PIK3C2G: variants seen among roughly 807,000 people sequenced by gnomAD.
PIK3C2G encodes the protein phosphatidylinositol 3-kinase C2 domain-containing subunit gamma.
A neutral mutation model predicts 181.1 loss-of-function variants in PIK3C2G; 168 were observed. That is an observed-to-expected ratio of 0.93 (90% CI 0.82 to 1.05). The LOEUF is 1.05. PIK3C2G is among the 50% of genes least tolerant of loss of function. The probability of loss-of-function intolerance (pLI) is 0.00; values close to 1 mark genes in which losing one functional copy is unlikely to be tolerated. For missense variants in PIK3C2G, 1,869 were observed against 1,732.8 expected (o/e 1.08, Z -1.40); for synonymous variants, 573 against 592.2 (o/e 0.97, Z 0.47).
chr12:18,298,676 T>C (rs1950050825), intron 5 of PIK3C2G, among the ~76,000 whole-genome samples: 1 of 151,814 alleles, frequency 6.6e-6, no homozygotes. Context: ...TTCTATAATT[T>C]CCGGATTTAG....
At chr12:18,544,975 C>A (rs1370625735) in intron 25 of PIK3C2G, among the ~76,000 whole-genome samples, 1 of 151,794 alleles carries the variant, frequency 6.6e-6, no homozygotes, top group Non-Finnish European at 1.5e-5. Flanking sequence ...TCTAAACGGG[C>A]CTCATTTTAG....
rs1434743041 is a variant in PIK3C2G at position 18,336,830 on chromosome 12, G to GT, written c.1273-1591dup. On this transcript the variant is annotated intron_variant, in intron 8 of 32. Coordinates refer to ENST00000538779, the MANE Select transcript of PIK3C2G (RefSeq NM_001288772.2). ...ATAGTATTAATTAGTTATTCTTCAGGTTTTTGTCATTGGTTTCGGATTTGT... is the reference window on the plus strand; with the variant it reads ...ATAGTATTAATTAGTTATTCTTCAGGTTTTTTGTCATTGGTTTCGGATTTGT... 2.0e-5 allele frequency among the ~76,000 whole-genome samples: 3 copies of GT among 151,928 alleles called. No individual in the cohort carries two copies. The East Asian group carries it at 5.8e-4, about 29-fold the overall frequency.
chr12:18,537,580 C>CATTTCA (rs1227145155), intron 24 of PIK3C2G, among the ~76,000 whole-genome samples: 8 of 152,018 alleles, frequency 5.3e-5, no homozygotes. Context: ...ATGATATGGT[C>CATTTCA]TACTCATATC....
chr12:18,702,689 A>G, the PIK3C2G span, among the ~76,000 whole-genome samples: 2 of 152,146 alleles, frequency 1.3e-5, no homozygotes, highest in Non-Finnish European at 2.9e-5. Context: ...GAAAGGGACA[A>G]ATTCCTAGGA....
At chr12:18,671,433 G>A in the PIK3C2G span, among the ~76,000 whole-genome samples, 4 of 152,110 alleles carry the variant, frequency 2.6e-5, no homozygotes, top group Non-Finnish European at 4.4e-5. Flanking sequence ...GGGACTGTGT[G>A]TGACTGCGTC....
intron 9 of PIK3C2G, among the ~76,000 whole-genome samples, chr12:18,340,652 G>C (rs1027977961): frequency 6.6e-6 from 1 of 152,102 alleles, no homozygotes; most frequent in African/African-American, 2.4e-5. Context: ...CAGATACTAA[G>C]ATCTACCAGT....
intron 11 of PIK3C2G, among the ~76,000 whole-genome samples, chr12:18,362,518 T>G (rs1192587570): frequency 6.6e-6 from 1 of 152,216 alleles, no homozygotes; most frequent in African/African-American, 2.4e-5. Context: ...GGTTTCTGGT[T>G]TTCTTTCAAA....
intron 13 of PIK3C2G, among the ~76,000 whole-genome samples, chr12:18,378,322 C>A (rs949422572): frequency 3.9e-5 from 6 of 152,102 alleles, no homozygotes; most frequent in Non-Finnish European, 8.8e-5. Flanking sequence ...GTTCCCCCCC[C>A]CGTAACTAAT....
In PIK3C2G at chr12:18,462,370, A is replaced by C. The variant is rs78482549; in HGVS notation, c.2505-26079A>C. ...AACCCTTTTATAAAAGATATAGCTA[A>C]TGCACTTCAGAGCACCATACAAAAA... On this transcript the variant is annotated intron_variant, in intron 18 of 32. Transcript: ENST00000538779. 5.1e-4 allele frequency among the ~76,000 whole-genome samples: 77 copies of C among 152,294 alleles called. No homozygotes were observed. In the East Asian group the frequency reaches 0.013, roughly 26 times the overall value.
chr12:18,391,900 A>G (rs752441322), intron 15 of PIK3C2G, among the ~76,000 whole-genome samples: 15 of 151,882 alleles, frequency 9.9e-5, no homozygotes, highest in Non-Finnish European at 2.1e-4. Flanking sequence ...AGAGAGAGAG[A>G]GAGAGATTAA....
chr12:18,528,502 A>G (rs1004639486), intron 24 of PIK3C2G, among the ~76,000 whole-genome samples: 5 of 152,220 alleles, frequency 3.3e-5, no homozygotes, highest in South Asian at 2.1e-4. Context: ...AGTTTGGGGT[A>G]CAAATGTATT....
At chr12:18,722,863 T>G in the PIK3C2G span, among the ~76,000 whole-genome samples, 1 of 152,080 alleles carries the variant, frequency 6.6e-6, no homozygotes, top group Non-Finnish European at 1.5e-5. Flanking sequence ...TTATAATATT[T>G]TCTTCTTAGA....
downstream of PIK3C2G, among the ~76,000 whole-genome samples, chr12:18,650,730 A>G (rs544754899): frequency 6.4e-4 from 16 of 25,180 alleles, no homozygotes; most frequent in African/African-American, 4.7e-3. Context: ...ATATATATAT[A>G]TATATATATA....
chr12:18,430,392 C>A (rs1230335408), intron 18 of PIK3C2G, among the ~76,000 whole-genome samples: 3 of 152,154 alleles, frequency 2.0e-5, no homozygotes. Context: ...ATGCAAAAAT[C>A]TCTTCAAAAT....
chr12:18,303,607 C>T (rs906890230), intron 5 of PIK3C2G, among the ~76,000 whole-genome samples: 1 of 152,130 alleles, frequency 6.6e-6, no homozygotes, highest in African/African-American at 2.4e-5. Flanking sequence ...GGATTACAGG[C>T]ATGAGCTGCC....
chr12:18,364,906 C>G (rs1470848199), intron 12 of PIK3C2G, among the ~76,000 whole-genome samples: 1 of 152,056 alleles, frequency 6.6e-6, no homozygotes, highest in Non-Finnish European at 1.5e-5. Context: ...AACAAACAAA[C>G]AAACAAAACC....
At chr12:18,693,433 C>T in the PIK3C2G span, 2 of 1,604,660 alleles carry the variant, frequency 1.2e-6, no homozygotes, top group Non-Finnish European at 1.7e-6. Context: ...ATAAAGCCTC[C>T]AAGGGGGTCA....
At chr12:18,701,285 T>G in the PIK3C2G span, among the ~76,000 whole-genome samples, 22 of 151,978 alleles carry the variant, frequency 1.4e-4, no homozygotes, top group African/African-American at 4.8e-4. Context: ...GTGCTCAGCC[T>G]AGAGAAAAAA....
At chr12:18,288,502 A>C (rs1949550628) in intron 3 of PIK3C2G, among the ~76,000 whole-genome samples, 1 of 152,206 alleles carries the variant, frequency 6.6e-6, no homozygotes, top group Non-Finnish European at 1.5e-5. Context: ...AAGTTCACGA[A>C]AATGTTCAAT....
Sources: allele counts gnomAD v4.1 joint callset (sites outside exome capture counted in the v4.1 genomes callset), GRCh38; gene constraint gnomAD v4.1.1; transcripts MANE v1.5; gene names NCBI Gene and HGNC (gene_info 2026-07-23, HGNC 2026-07-21).